The following CSMD1 variants were observed in gnomAD, a reference collection of about 807,000 sequenced individuals.
CSMD1 encodes the protein CUB and sushi domain-containing protein 1.
CSMD1 carries 213 observed loss-of-function variants against 417.5 expected under a neutral mutation model. The ratio of observed to expected loss-of-function variants is 0.51; its 90% confidence interval spans 0.46 to 0.57. CSMD1 has a LOEUF of 0.57. Ranked by LOEUF, CSMD1 falls within the 20% of genes least tolerant of loss-of-function variation. The pLI is 0.00. For synonymous variants in CSMD1, 2,862 were observed against 1,736.8 expected (o/e 1.65, Z -16.11); for missense variants, 6,923 against 4,529.7 (o/e 1.53, Z -15.17).
chr8:4,864,183 T>A (rs979218640), intron 1 of CSMD1, among the ~76,000 whole-genome samples: 5 of 151,896 alleles, frequency 3.3e-5, no homozygotes, highest in African/African-American at 9.7e-5. Context: ...CAAATAATAA[T>A]GAAGTACAAC....
intron 3 of CSMD1, among the ~76,000 whole-genome samples, chr8:4,285,703 G>A (rs1286502058): frequency 6.6e-6 from 1 of 152,154 alleles, no homozygotes; most frequent in East Asian, 1.9e-4. Flanking sequence ...TCCAGAACTA[G>A]TAAAACAGTC....
At chr8:3,360,505 G>C (rs1011701577) in intron 20 of CSMD1, among the ~76,000 whole-genome samples, 1 of 152,182 alleles carries the variant, frequency 6.6e-6, no homozygotes. Flanking sequence ...TGTTTCCCCA[G>C]TCTGTAATGC....
intron 2 of CSMD1, among the ~76,000 whole-genome samples, chr8:4,466,148 T>C (rs1585123819): frequency 1.3e-5 from 2 of 152,142 alleles, no homozygotes; most frequent in African/African-American, 4.8e-5. Flanking sequence ...TGAAATATTG[T>C]GAGAGAGTCT....
At chr8:4,178,185 G>A (rs544423996) in intron 3 of CSMD1, among the ~76,000 whole-genome samples, 166 of 152,124 alleles carry the variant, frequency 1.1e-3, no homozygotes, top group Middle Eastern at 6.8e-3. Context: ...CCCTCAATAC[G>A]ATACTGGCAG....
At chr8:3,533,294 A>G (rs999289933) in intron 10 of CSMD1, among the ~76,000 whole-genome samples, 4 of 151,432 alleles carry the variant, frequency 2.6e-5, no homozygotes, top group African/African-American at 7.4e-5. Context: ...AATGCCCAAT[A>G]TAATATAATT....
chr8:4,404,887 T>G (rs1804902275), intron 3 of CSMD1, among the ~76,000 whole-genome samples: 1 of 152,212 alleles, frequency 6.6e-6, no homozygotes, highest in Non-Finnish European at 1.5e-5. Flanking sequence ...TCACATTTAT[T>G]TCGCTCATTG....
intron 2 of CSMD1, among the ~76,000 whole-genome samples, chr8:4,439,681 G>T: frequency 6.6e-6 from 1 of 152,134 alleles, no homozygotes; most frequent in East Asian, 1.9e-4. Flanking sequence ...GAAAATGTGT[G>T]CTTATTAAAG....
At chr8:3,696,500 G>A (rs777558931) in intron 7 of CSMD1, among the ~76,000 whole-genome samples, 2 of 152,152 alleles carry the variant, frequency 1.3e-5, no homozygotes, top group South Asian at 2.1e-4. Context: ...CGGATGTGAC[G>A]AAAGAAATGC....
At chr8:4,351,787 C>T (rs886422589) in intron 3 of CSMD1, among the ~76,000 whole-genome samples, 2 of 152,030 alleles carry the variant, frequency 1.3e-5, no homozygotes, top group East Asian at 1.9e-4. Context: ...TTATTTTGTG[C>T]ACTTGGAATC....
chr8:4,595,053 G>C (rs1220678678), intron 2 of CSMD1, among the ~76,000 whole-genome samples: 2 of 152,182 alleles, frequency 1.3e-5, no homozygotes, highest in Admixed American at 6.5e-5. Flanking sequence ...ACAAACCTTA[G>C]AGGTGTAAAC....
chr8:4,630,653 C>G (rs1325657451), intron 2 of CSMD1, among the ~76,000 whole-genome samples: 1 of 152,132 alleles, frequency 6.6e-6, no homozygotes, highest in Admixed American at 6.5e-5. Context: ...GACAAAATCA[C>G]CTAATTATGG....
intron 3 of CSMD1, among the ~76,000 whole-genome samples, chr8:4,169,685 G>C (rs1797655531): frequency 3.3e-5 from 5 of 152,090 alleles, no homozygotes; most frequent in Admixed American, 2.6e-4. Context: ...ACTCCTGGAT[G>C]GCTCCCTGCC....
intron 2 of CSMD1, among the ~76,000 whole-genome samples, chr8:4,560,585 T>A (rs981554626): frequency 6.6e-6 from 1 of 152,206 alleles, no homozygotes; most frequent in African/African-American, 2.4e-5. Flanking sequence ...GCTGGAGCGG[T>A]ATGGCAGAGC....
chr8:4,648,828 G>A (rs1803701573), intron 1 of CSMD1, among the ~76,000 whole-genome samples: 1 of 152,158 alleles, frequency 6.6e-6, no homozygotes, highest in African/African-American at 2.4e-5. Flanking sequence ...GGTAAAATGT[G>A]TGTTTATAGT....
intron 4 of CSMD1, among the ~76,000 whole-genome samples, chr8:3,998,979 A>G (rs886398078): frequency 2.0e-5 from 3 of 147,270 alleles, no homozygotes; most frequent in African/African-American, 7.4e-5. Context: ...TATAAATAAC[A>G]TAAACTATAT....
chr8:3,819,047 C>T (rs1243789959), intron 5 of CSMD1, among the ~76,000 whole-genome samples: 1 of 152,130 alleles, frequency 6.6e-6, no homozygotes, highest in Non-Finnish European at 1.5e-5. Context: ...AAAACATTTC[C>T]TGTTTGTAGG....
intron 5 of CSMD1, among the ~76,000 whole-genome samples, chr8:3,986,831 C>A (rs372424000): frequency 2.9e-4 from 44 of 152,212 alleles, no homozygotes; most frequent in African/African-American, 1.0e-3. Flanking sequence ...TCTCGGCTCA[C>A]TGCAATCTCT....
chr8:4,867,335 C>T (rs936280548), intron 1 of CSMD1, among the ~76,000 whole-genome samples: 2 of 152,034 alleles, frequency 1.3e-5, no homozygotes, highest in African/African-American at 2.4e-5. Flanking sequence ...CATTGAAGAG[C>T]ATTCGATTAA....
intron 5 of CSMD1, among the ~76,000 whole-genome samples, chr8:3,780,991 A>AT (rs1362270104): frequency 7.2e-5 from 11 of 152,194 alleles, no homozygotes; most frequent in African/African-American, 2.2e-4. Flanking sequence ...TATCTGTGAC[A>AT]TTTTGTGTGA....
Sources: allele counts gnomAD v4.1 joint callset (sites outside exome capture counted in the v4.1 genomes callset), GRCh38; gene constraint gnomAD v4.1.1; transcripts MANE v1.5; gene names NCBI Gene and HGNC (gene_info 2026-07-23, HGNC 2026-07-21).